CYB5R4: variants seen among roughly 807,000 people sequenced by gnomAD.
The protein encoded by CYB5R4 is N-terminal cytochrome b5 and cytochrome b5 oxidoreductase domain-containing protein.
Under a neutral mutation model 70.2 loss-of-function variants are expected in CYB5R4, and 55 were observed. The observed-to-expected ratio is 0.78, with a 90% CI of 0.63 to 0.98. The LOEUF is 0.98. Ranked by LOEUF, CYB5R4 falls within the 50% of genes least tolerant of loss-of-function variation. The pLI, the probability that CYB5R4 is intolerant of heterozygous loss-of-function variation, is 0.00. For missense variants in CYB5R4, 562 were observed against 612.6 expected (o/e 0.92, Z 0.87); for synonymous variants, 197 against 199.5 (o/e 0.99, Z 0.11).
chr6:83,874,941 G>A (rs1338123424), intron 2 of CYB5R4, among the ~76,000 whole-genome samples: 1 of 152,036 alleles, frequency 6.6e-6, no homozygotes, highest in Middle Eastern at 3.4e-3. Context: ...TCCTGCCTCA[G>A]CCTCCTGAGT....
intron 10 of CYB5R4, among the ~76,000 whole-genome samples, chr6:83,928,442 A>G: frequency 6.6e-6 from 1 of 152,202 alleles, no homozygotes; most frequent in Non-Finnish European, 1.5e-5. Context: ...GTCTTGAATG[A>G]CTGCCTCAAG....
intron 2 of CYB5R4, among the ~76,000 whole-genome samples, chr6:83,870,208 T>C (rs1419540302): frequency 1.3e-5 from 2 of 152,230 alleles, no homozygotes; most frequent in Non-Finnish European, 2.9e-5. Context: ...TATTCGCTAA[T>C]TCAGTGTTTG....
At chr6:83,861,580 C>G (rs777684943) in intron 1 of CYB5R4, among the ~76,000 whole-genome samples, 1 of 152,166 alleles carries the variant, frequency 6.6e-6, no homozygotes, top group Non-Finnish European at 1.5e-5. Flanking sequence ...CCTGCTACAG[C>G]CCAAAGATAT....
At chr6:83,901,491 A>G (rs1350712028) in intron 3 of CYB5R4, among the ~76,000 whole-genome samples, 4 of 152,050 alleles carry the variant, frequency 2.6e-5, no homozygotes, top group Non-Finnish European at 5.9e-5. Flanking sequence ...TATTTCCTGA[A>G]TTTGAATGTT....
intron 5 of CYB5R4, 73 bp downstream of exon 5, chr6:83,914,521 TG>T: frequency 7.5e-7 from 1 of 1,329,474 alleles, no homozygotes; most frequent in Non-Finnish European, 1.0e-6. Context: ...CAGAATTGTC[TG>T]GGGCATTTAA....
chr6:83,893,680 G>A, intron 3 of CYB5R4, 58 bp downstream of exon 3: 1 of 992,708 alleles, frequency 1.0e-6, no homozygotes, highest in East Asian at 2.5e-5. Context: ...AGATTTATCA[G>A]TGTGACATTT....
chr6:83,892,167 G>C (rs76442980), intron 2 of CYB5R4, among the ~76,000 whole-genome samples: 1,640 of 152,262 alleles, frequency 0.011, 64 homozygotes, highest in East Asian at 0.1. Context: ...GTTTTGTTCA[G>C]ACTTATTTGG....
chr6:83,946,384 T>C (rs111733186), intron 14 of CYB5R4, among the ~76,000 whole-genome samples: 1 of 152,120 alleles, frequency 6.6e-6, no homozygotes, highest in African/African-American at 2.4e-5. Flanking sequence ...CCCTTCATGC[T>C]AAAAACACTC....
At chr6:83,881,712 AT>A (rs891091333) in intron 2 of CYB5R4, among the ~76,000 whole-genome samples, 2 of 151,968 alleles carry the variant, frequency 1.3e-5, no homozygotes, top group African/African-American at 4.8e-5. Context: ...ATCTCTTCTG[AT>A]TTCTGTAGCT....
rs576936423 is a variant in CYB5R4 at position 83,917,301 on chromosome 6, T to C, written c.446-704T>C. Among the ~76,000 whole-genome samples, 20 of 152,206 alleles carry C rather than the reference T, an allele frequency of 1.3e-4. No homozygotes were observed. In the South Asian group the frequency reaches 3.5e-3, roughly 27 times the overall value. On this transcript the variant is annotated intron_variant, in intron 5 of 15. Coordinates refer to ENST00000369681, the MANE Select transcript of CYB5R4 (RefSeq NM_016230.4). ...TTTTTACTGTGGTAAAAAGTGTAAA[T>C]TGGTACAACCACTTTGAAAAGCCAT...
At chr6:83,918,567 G>T (rs2099465869) in intron 6 of CYB5R4, among the ~76,000 whole-genome samples, 1 of 151,790 alleles carries the variant, frequency 6.6e-6, no homozygotes, top group African/African-American at 2.4e-5. Context: ...TCCATCATAT[G>T]ACCATGCCAT....
intron 10 of CYB5R4, among the ~76,000 whole-genome samples, chr6:83,930,290 A>G (rs907430341): frequency 5.9e-5 from 9 of 152,140 alleles, no homozygotes; most frequent in African/African-American, 2.2e-4. Flanking sequence ...TTTCTTTCAC[A>G]AAAGATTTTT....
chr6:83,910,900 G>A (rs185009268), intron 4 of CYB5R4, among the ~76,000 whole-genome samples: 11 of 152,186 alleles, frequency 7.2e-5, no homozygotes, highest in Admixed American at 2.0e-4. Flanking sequence ...TTTAATCCTC[G>A]GATTTTTCAG....
chr6:83,908,527 T>G (rs2099464173), intron 3 of CYB5R4, among the ~76,000 whole-genome samples: 1 of 152,196 alleles, frequency 6.6e-6, no homozygotes. Flanking sequence ...AATTAATAAT[T>G]TTTCTACTTC....
At chr6:83,889,134 A>G (rs948519129) in intron 2 of CYB5R4, among the ~76,000 whole-genome samples, 3 of 152,254 alleles carry the variant, frequency 2.0e-5, no homozygotes, top group African/African-American at 4.8e-5. Flanking sequence ...TTCATAACTT[A>G]AAAGTGCAAT....
chr6:83,902,335 T>C (rs2099463114), intron 3 of CYB5R4, among the ~76,000 whole-genome samples: 1 of 152,144 alleles, frequency 6.6e-6, no homozygotes, highest in African/African-American at 2.4e-5. Flanking sequence ...GCTATAAATA[T>C]GTGGATTTAT....
At chr6:83,949,416 A>G (rs2099471177) in intron 14 of CYB5R4, among the ~76,000 whole-genome samples, 1 of 152,150 alleles carries the variant, frequency 6.6e-6, no homozygotes, top group Non-Finnish European at 1.5e-5. Flanking sequence ...TCATTTTCTA[A>G]TATAGTAAAT....
chr6:83,934,497 T>C, intron 10 of CYB5R4, 98 bp from the exon 11 acceptor site: 1 of 791,838 alleles, frequency 1.3e-6, no homozygotes, highest in Non-Finnish European at 1.9e-6. Flanking sequence ...ATTGAAGCTT[T>C]CTAGAAAACA....
At position 83,861,170 on chromosome 6, in the gene CYB5R4, C is replaced by T. The variant is rs377111568; in HGVS notation, c.75+1313C>T. ...TTAAAAATACCAACTGTGTTCTTAG[C>T]ATCCATTTAAAGGAGAAAACTTAGA... On this transcript the variant is annotated intron_variant, in intron 1 of 15. Transcript: ENST00000369681. 1.8e-4 allele frequency among the ~76,000 whole-genome samples: 28 copies of T among 152,306 alleles called. No homozygotes were observed. In the East Asian group the frequency reaches 3.7e-3, roughly 20 times the overall value.
Sources: allele counts gnomAD v4.1 joint callset (sites outside exome capture counted in the v4.1 genomes callset), GRCh38; gene constraint gnomAD v4.1.1; transcripts MANE v1.5; gene names NCBI Gene and HGNC (gene_info 2026-07-23, HGNC 2026-07-21).